Variants in POU2F1 observed in about 807,000 individuals in gnomAD.
The protein encoded by POU2F1 is POU domain, class 2, transcription factor 1.
In POU2F1, 16 loss-of-function variants were observed where a neutral mutation model predicts 84.9. That is an observed-to-expected ratio of 0.19 (90% CI 0.13 to 0.29). The LOEUF (loss-of-function observed/expected upper bound fraction) is 0.29. Among genes scored for constraint, POU2F1 ranks in the 10% least tolerant of loss-of-function variants. POU2F1 has a pLI of 1.00. For synonymous variants in POU2F1, 368 were observed against 368.3 expected (o/e 1.00, Z 0.01); for missense variants, 738 against 942.6 (o/e 0.78, Z 2.84).
At chr1:167,279,074 T>C (rs1243413480) in intron 1 of POU2F1, among the ~76,000 whole-genome samples, 2 of 152,188 alleles carry the variant, frequency 1.3e-5, no homozygotes, top group East Asian at 3.9e-4. Flanking sequence ...TTTCCTTCTA[T>C]TCCCCCCTGA....
At chr1:167,323,696 T>A (rs1656488228) in intron 1 of POU2F1, among the ~76,000 whole-genome samples, 1 of 152,138 alleles carries the variant, frequency 6.6e-6, no homozygotes, top group Admixed American at 6.5e-5. Context: ...CACTATTTAT[T>A]TATTTATTTA....
chr1:167,295,219 G>A (rs573266123), intron 1 of POU2F1, among the ~76,000 whole-genome samples: 2 of 151,932 alleles, frequency 1.3e-5, no homozygotes, highest in Non-Finnish European at 2.9e-5. Flanking sequence ...TGAAAAAGAC[G>A]CCTACACATG....
chr1:167,380,247 A>G (rs1291377619), intron 7 of POU2F1: 2 of 152,192 alleles, frequency 1.3e-5, no homozygotes, highest in South Asian at 2.1e-4. Context: ...TGATATTAGG[A>G]TACTTTCAGT....
chr1:167,312,893 A>G (rs530797188), intron 1 of POU2F1, among the ~76,000 whole-genome samples: 1 of 152,352 alleles, frequency 6.6e-6, no homozygotes, highest in East Asian at 1.9e-4. Context: ...TAGAAATGCA[A>G]ATACCATTGT....
chr1:167,369,400 G>A (rs565224272), intron 3 of POU2F1, among the ~76,000 whole-genome samples: 9 of 152,240 alleles, frequency 5.9e-5, no homozygotes, highest in African/African-American at 1.9e-4. Context: ...AGTATCATTG[G>A]AGACATAGCT....
intron 1 of POU2F1, among the ~76,000 whole-genome samples, chr1:167,330,360 TAGC>T (rs903102049): frequency 2.6e-5 from 4 of 152,100 alleles, no homozygotes; most frequent in Non-Finnish European, 4.4e-5. Context: ...AAACCCAGGG[TAGC>T]AGTATCTGCC....
intron 1 of POU2F1, among the ~76,000 whole-genome samples, chr1:167,222,785 T>G (rs1648334979): frequency 6.6e-6 from 1 of 152,192 alleles, no homozygotes. Context: ...TTTGCAGTAG[T>G]ATTGGGCCTA....
intron 13 of POU2F1, among the ~76,000 whole-genome samples, chr1:167,407,038 T>TTTA (rs148406080): frequency 6.0e-5 from 9 of 149,456 alleles, no homozygotes; most frequent in South Asian, 2.1e-4. Flanking sequence ...TTTTATATAT[T>TTTA]TTATTATTAT....
chr1:167,410,887 C>T (rs950587556), intron 13 of POU2F1, among the ~76,000 whole-genome samples: 3 of 152,148 alleles, frequency 2.0e-5, no homozygotes, highest in Non-Finnish European at 4.4e-5. Context: ...TGTTAGACAA[C>T]ACTGATCTCA....
At position 167,401,512 on chromosome 1, in the gene POU2F1, T is replaced by C; in HGVS notation, c.1511T>C (p.Val504Ala). The part of the protein sequence containing the change: ...SAATTLTVSP[V>A]LPLTSAAVTN... ...GCAACTACCCTCACAGTCAGCCCTGTCCTCCCTCTGACCAGTGCTGCTGTG... is the reference window on the plus strand; with the variant it reads ...GCAACTACCCTCACAGTCAGCCCTGCCCTCCCTCTGACCAGTGCTGCTGTG... Residue 504 changes from valine (V) to alanine (A), a missense_variant, in exon 13 of 16, where the codon GTC (valine) becomes GCC (alanine). Coordinates refer to ENST00000367866, the MANE Select transcript of POU2F1 (RefSeq NM_002697.4). 1 of 1,613,342 alleles carries C rather than the reference T, an allele frequency of 6.2e-7. No individual in the cohort carries two copies. The highest frequency in any genetic ancestry group is 8.5e-7 in the Non-Finnish European group (1 of 1,179,774).
chr1:167,291,356 C>T (rs1170493707), intron 1 of POU2F1, among the ~76,000 whole-genome samples: 1 of 152,114 alleles, frequency 6.6e-6, no homozygotes, highest in Non-Finnish European at 1.5e-5. Flanking sequence ...AGATTTGATT[C>T]TAAATCTAAT....
chr1:167,285,183 T>C (rs1653430131), intron 1 of POU2F1, among the ~76,000 whole-genome samples: 1 of 152,202 alleles, frequency 6.6e-6, no homozygotes, highest in African/African-American at 2.4e-5. Context: ...ATGACTGCTT[T>C]ATAGAGTTTT....
At chr1:167,337,545 C>T (rs544540251) in intron 2 of POU2F1, among the ~76,000 whole-genome samples, 2 of 152,074 alleles carry the variant, frequency 1.3e-5, no homozygotes, top group South Asian at 4.1e-4. Context: ...GTCAGGATAA[C>T]GGAAGAAGCA....
intron 5 of POU2F1, among the ~76,000 whole-genome samples, chr1:167,373,208 CATATA>C (rs1660122092): frequency 6.6e-6 from 1 of 152,142 alleles, no homozygotes; most frequent in Admixed American, 6.6e-5. Flanking sequence ...AGTGACTGTA[CATATA>C]CTTCAGAAAA....
chr1:167,346,687 C>A (rs527244854), intron 2 of POU2F1, among the ~76,000 whole-genome samples: 2 of 152,332 alleles, frequency 1.3e-5, no homozygotes, highest in East Asian at 3.9e-4. Context: ...AGGCAGCGCT[C>A]AGGCAATAAC....
At chr1:167,323,354 T>A (rs1194401091) in intron 1 of POU2F1, among the ~76,000 whole-genome samples, 1 of 152,204 alleles carries the variant, frequency 6.6e-6, no homozygotes, top group Non-Finnish European at 1.5e-5. Flanking sequence ...GTAATAGATT[T>A]AGTTTTAAAG....
chr1:167,263,033 G>A (rs1427734167), intron 1 of POU2F1, among the ~76,000 whole-genome samples: 1 of 152,182 alleles, frequency 6.6e-6, no homozygotes, highest in African/African-American at 2.4e-5. Flanking sequence ...CATACTTTTG[G>A]AAGATTAATC....
intron 1 of POU2F1, among the ~76,000 whole-genome samples, chr1:167,250,136 G>T (rs1421180607): frequency 6.6e-6 from 1 of 150,646 alleles, no homozygotes; most frequent in African/African-American, 2.4e-5. Context: ...GCAGTATTTT[G>T]ACCTTTTCTG....
At chr1:167,299,163 CAAAAAAAAAA>C (rs71073663) in intron 1 of POU2F1, among the ~76,000 whole-genome samples, 1 of 96,856 alleles carries the variant, frequency 1.0e-5, no homozygotes, top group African/African-American at 4.4e-5. Context: ...AACGCCATCT[CAAAAAAAAAA>C]AAAAAAAAAA....
Sources: gnomAD v4.1 joint callset for allele counts (sites outside exome capture counted in the v4.1 genomes callset) on GRCh38, gnomAD v4.1.1 for gene constraint, MANE v1.5 for transcripts, NCBI Gene and HGNC (gene_info 2026-07-23, HGNC 2026-07-21) for gene names.